TRAPPC9: variants seen among roughly 807,000 people sequenced by gnomAD.
The protein encoded by TRAPPC9 is trafficking protein particle complex subunit 9.
In TRAPPC9, 83 loss-of-function variants were observed where a neutral mutation model predicts 124.0. The observed-to-expected ratio is 0.67, with a 90% CI of 0.56 to 0.80. The LOEUF (loss-of-function observed/expected upper bound fraction) is 0.80, where lower values mean the gene tolerates loss of function less well. TRAPPC9 is among the 30% of genes least tolerant of loss of function. The probability of loss-of-function intolerance (pLI) is 0.00; values close to 1 mark genes in which losing one functional copy is unlikely to be tolerated. For synonymous variants in TRAPPC9, 638 were observed against 617.5 expected (o/e 1.03, Z -0.49); for missense variants, 1,302 against 1,508.3 (o/e 0.86, Z 2.27).
At chr8:139,926,623 A>AAC (rs1554674017) in intron 19 of TRAPPC9, among the ~76,000 whole-genome samples, 7 of 150,480 alleles carry the variant, frequency 4.7e-5, no homozygotes, top group Non-Finnish European at 7.4e-5. Context: ...AAAAAAAAAA[A>AAC]CTCCTGAATA....
intron 21 of TRAPPC9, among the ~76,000 whole-genome samples, chr8:139,809,973 A>T (rs1824328021): frequency 6.6e-6 from 1 of 152,204 alleles, no homozygotes; most frequent in Admixed American, 6.5e-5. Context: ...CACATCTGGC[A>T]TCTCTGCACA....
intron 9 of TRAPPC9, among the ~76,000 whole-genome samples, chr8:140,344,784 T>A (rs35483393): frequency 0.15 from 22,301 of 152,196 alleles, 1,889 homozygotes; most frequent in African/African-American, 0.22. Flanking sequence ...AGGAGAAACA[T>A]CAGGTGGACC....
chr8:140,172,246 C>T (rs975388117), intron 17 of TRAPPC9, among the ~76,000 whole-genome samples: 23 of 151,944 alleles, frequency 1.5e-4, no homozygotes, highest in African/African-American at 4.6e-4. Context: ...GGAGGACTCC[C>T]CAGAGACGGG....
intron 17 of TRAPPC9, 88 bp from the exon 18 acceptor site, chr8:140,024,167 A>G: frequency 6.7e-7 from 1 of 1,484,824 alleles, no homozygotes; most frequent in Non-Finnish European, 9.3e-7. Flanking sequence ...TTCGCTTAGG[A>G]AGAGTCTGAA....
At position 139,764,801 on chromosome 8, in the gene TRAPPC9, C is replaced by T. The variant is rs750174065; in HGVS notation, c.3056-32599G>A. 8.9e-4 allele frequency among the ~76,000 whole-genome samples: 136 copies of T among 152,142 alleles called. 1 individual carries two copies. Among genetic ancestry groups the T allele is most frequent in the Admixed American group, 1.6e-3 (24 of 15,276 alleles). ...ACCCCTACCCCTGAGCTGCCCACTC[C>T]CCACCACGGTCCGGTGCATCCAGTC... On this transcript the variant is annotated intron_variant, in intron 21 of 22. Transcript: ENST00000438773.
intron 19 of TRAPPC9, among the ~76,000 whole-genome samples, chr8:139,962,537 G>C (rs1240235222): frequency 1.6e-5 from 2 of 124,334 alleles, no homozygotes; most frequent in East Asian, 4.4e-4. Context: ...CTAGTCATTG[G>C]AACATTTATC....
intron 19 of TRAPPC9, among the ~76,000 whole-genome samples, chr8:139,954,614 T>C (rs1426841597): frequency 6.6e-6 from 1 of 152,234 alleles, no homozygotes; most frequent in Admixed American, 6.5e-5. Flanking sequence ...ATCATCTAAA[T>C]GGCCATTTGT....
At chr8:140,287,810 C>T (rs2065534888) in intron 12 of TRAPPC9, 76 bp from the exon 13 acceptor site, 3 of 1,594,408 alleles carry the variant, frequency 1.9e-6, no homozygotes, top group African/African-American at 1.3e-5. Flanking sequence ...AGCCTTAAGA[C>T]ATTGGCTATG....
chr8:140,174,942 C>T (rs2062032966), intron 17 of TRAPPC9, among the ~76,000 whole-genome samples: 1 of 151,066 alleles, frequency 6.6e-6, no homozygotes, highest in South Asian at 2.1e-4. Context: ...GAAATGTGGG[C>T]TCATATGATA....
chr8:139,899,377 G>A (rs1431120422), intron 20 of TRAPPC9, among the ~76,000 whole-genome samples: 3 of 152,116 alleles, frequency 2.0e-5, no homozygotes, highest in South Asian at 2.1e-4. Context: ...TTACAATAAA[G>A]TAAGCTAGAG....
Position 139,877,305 on chromosome 8 carries a change from G to A in TRAPPC9, c.3055+8574C>T, listed in dbSNP as rs539962339. On this transcript the variant is annotated intron_variant, in intron 21 of 22. Coordinates refer to ENST00000438773, the MANE Select transcript of TRAPPC9 (RefSeq NM_001160372.4). Reference sequence around the variant, plus strand: ...CCTAGCCCCATTAGTCACCATGACCGGGTCTCTATGGAAACGCCTGGAAGA... The same window carrying A: ...CCTAGCCCCATTAGTCACCATGACCAGGTCTCTATGGAAACGCCTGGAAGA... 5.9e-5 allele frequency among the ~76,000 whole-genome samples: 9 copies of A among 152,176 alleles called. No individual in the cohort carries two copies. In the South Asian group the frequency reaches 8.3e-4, roughly 14 times the overall value.
rs148943279 is a variant in TRAPPC9, at chr8:140,114,591, G to A, written c.2557-90512C>T. 2.6e-3 allele frequency among the ~76,000 whole-genome samples: 397 copies of A among 152,292 alleles called. 4 individuals are homozygous for A. The highest frequency in any genetic ancestry group is 8.5e-3 in the African/African-American group (352 of 41,566). On this transcript the variant is annotated intron_variant, in intron 17 of 22. Coordinates refer to ENST00000438773, the MANE Select transcript of TRAPPC9 (RefSeq NM_001160372.4). ...GGAAGGTATCATAATAGGACCATCC[G>A]TCACCGATGCAATCATTTGATAATT...
intron 17 of TRAPPC9, among the ~76,000 whole-genome samples, chr8:140,169,433 A>G (rs575418890): frequency 1.3e-3 from 197 of 152,346 alleles, no homozygotes; most frequent in Middle Eastern, 3.4e-3. Context: ...GGAGAGGTAC[A>G]GACCCAAGAG....
chr8:139,734,145 T>A (rs1219420165), intron 21 of TRAPPC9, among the ~76,000 whole-genome samples: 1 of 152,152 alleles, frequency 6.6e-6, no homozygotes, highest in Non-Finnish European at 1.5e-5. Context: ...CCATCCAGGG[T>A]CCTGGGTTCA....
intron 5 of TRAPPC9, among the ~76,000 whole-genome samples, chr8:140,424,794 G>A (rs78258017): frequency 6.6e-6 from 1 of 152,224 alleles, no homozygotes; most frequent in Non-Finnish European, 1.5e-5. Context: ...ATGAGAGATG[G>A]AGGAGCCCCC....
intron 17 of TRAPPC9, among the ~76,000 whole-genome samples, chr8:140,055,857 CAAAT>C (rs1416850920): frequency 1.3e-5 from 2 of 151,836 alleles, no homozygotes; most frequent in African/African-American, 4.8e-5. Context: ...ATTAAAGATA[CAAAT>C]GAATACAAGG....
At chr8:139,789,178 G>T (rs191238091) in intron 21 of TRAPPC9, among the ~76,000 whole-genome samples, 3 of 146,788 alleles carry the variant, frequency 2.0e-5, no homozygotes, top group African/African-American at 8.3e-5. Flanking sequence ...TGCAGCCCAC[G>T]GCCTGCCCGG....
chr8:139,809,861 C>A (rs1243914616), intron 21 of TRAPPC9, among the ~76,000 whole-genome samples: 1 of 152,176 alleles, frequency 6.6e-6, no homozygotes, highest in Non-Finnish European at 1.5e-5. Context: ...GTTGGCAAGG[C>A]ACATTCCTGA....
chr8:140,184,689 C>A (rs2062311727), intron 17 of TRAPPC9, among the ~76,000 whole-genome samples: 1 of 152,218 alleles, frequency 6.6e-6, no homozygotes, highest in Non-Finnish European at 1.5e-5. Flanking sequence ...CCTCAGTTAT[C>A]CACCTGCCTT....
Sources: gnomAD v4.1 joint callset for allele counts (sites outside exome capture counted in the v4.1 genomes callset) on GRCh38, gnomAD v4.1.1 for gene constraint, MANE v1.5 for transcripts, NCBI Gene and HGNC (gene_info 2026-07-23, HGNC 2026-07-21) for gene names.